Variants in PEX14 observed in about 807,000 individuals in gnomAD.
PEX14 encodes peroxisomal biogenesis factor 14.
A neutral mutation model predicts 49.5 loss-of-function variants in PEX14; 15 were observed. The ratio of observed to expected loss-of-function variants is 0.30; its 90% CI spans 0.20 to 0.47. The LOEUF (loss-of-function observed/expected upper bound fraction) is 0.47. PEX14 is among the 20% of genes least tolerant of loss of function. PEX14 has a pLI of 1.00. For synonymous variants in PEX14, 210 were observed against 212.7 expected, an observed-to-expected ratio of 0.99 and a Z score of 0.11; for missense variants, 398 against 494.8, an observed-to-expected ratio of 0.80 and a Z score of 1.86.
Position 10,623,023 on chromosome 1 carries a change from A to G in PEX14, c.389A>G (p.Tyr130Cys). The G allele has an allele frequency of 6.2e-7, 1 of 1,611,938 alleles. No individual in the cohort carries two copies. Among genetic ancestry groups the G allele is most frequent in the Non-Finnish European group, 8.5e-7 (1 of 1,178,526 alleles). Residue 130 changes from tyrosine (Y) to cysteine (C), a missense_variant, in exon 6 of 9, where the codon TAC (tyrosine) becomes TGC (cysteine). By Grantham distance (194) the Tyr-to-Cys change is radical (BLOSUM62 -2). Around this residue, in one of 3 missense-constraint regions of PEX14, gnomAD observed 202 missense variants for 298.5 expected, o/e 0.68. Coordinates refer to ENST00000356607, the MANE Select transcript of PEX14 (RefSeq NM_004565.3). The surrounding 1 kb of genome is among the most constrained non-coding windows in gnomAD (Gnocchi z 4.4). Reference protein sequence around the residue: ...AFGFHQLYKKYLLPLILGGRE... With the variant: ...AFGFHQLYKKCLLPLILGGRE... ...ACCCTGTCCCGCTTCTTGCAGAAATACCTGCTCCCCCTCATCCTGGGCGGC... is the reference window on the plus strand; with the variant it reads ...ACCCTGTCCCGCTTCTTGCAGAAATGCCTGCTCCCCCTCATCCTGGGCGGC...
At chr1:10,554,133 C>CAAAA (rs33963510) in intron 3 of PEX14, among the ~76,000 whole-genome samples, 2 of 111,082 alleles carry the variant, frequency 1.8e-5, no homozygotes, top group African/African-American at 7.0e-5. Flanking sequence ...ACTAAAAATA[C>CAAAA]AAAAAAAAAA....
chr1:10,577,546 ATATATATATATATATATTTTT>A, intron 3 of PEX14, among the ~76,000 whole-genome samples: 1 of 7,574 alleles, frequency 1.3e-4, no homozygotes, highest in African/African-American at 3.1e-4. Flanking sequence ...ATATATATAT[ATATATATATATATATATTTTT>A]TTTTTTTTTT....
chr1:10,578,293 C>T lies in PEX14; in HGVS notation c.170-20945C>T, dbSNP rs546093022. ...AGGTGGAGTCTTGTCAAGTTAGAGG[C>T]GATTCGATAAACACCTTGGACTTTG... is the stretch of plus-strand genomic sequence containing the variant. On this transcript the variant is annotated intron_variant, in intron 3 of 8. Coordinates refer to ENST00000356607, the MANE Select transcript of PEX14 (RefSeq NM_004565.3). Among the ~76,000 whole-genome samples, 13 of 152,190 alleles carry T rather than the reference C, an allele frequency of 8.5e-5. No individual in the cohort carries two copies. The South Asian group carries it at 2.7e-3, about 32-fold the overall frequency.
intron 2 of PEX14, among the ~76,000 whole-genome samples, chr1:10,527,255 C>T (rs932948872): frequency 5.4e-5 from 8 of 148,152 alleles, no homozygotes; most frequent in Non-Finnish European, 1.2e-4. Flanking sequence ...CATGGTGGCT[C>T]ACGCCTGTAA....
chr1:10,596,991 T>C (rs945286865), intron 3 of PEX14, among the ~76,000 whole-genome samples: 9 of 152,184 alleles, frequency 5.9e-5, no homozygotes, highest in East Asian at 1.9e-4. Flanking sequence ...ATTAGGAAAA[T>C]AGGCTTCATA....
chr1:10,556,088 G>A lies in PEX14; in HGVS notation c.169+19791G>A, dbSNP rs191054193. On this transcript the variant is annotated intron_variant, in intron 3 of 8. Transcript: ENST00000356607. ...AGCCCAGAGGCCTGCCACTGAAACC[G>A]CCTTCTGCAGGCACCGTCTGCCAGT... Among the ~76,000 whole-genome samples, 15 of 152,262 alleles carry A rather than the reference G, an allele frequency of 9.9e-5. No individual in the cohort carries two copies. The East Asian group carries it at 1.5e-3, about 16-fold the overall frequency.
intron 3 of PEX14, among the ~76,000 whole-genome samples, chr1:10,581,640 A>G (rs1640323544): frequency 6.6e-6 from 1 of 151,694 alleles, no homozygotes; most frequent in East Asian, 1.9e-4. Flanking sequence ...TCTCCCAGAT[A>G]AGCTTGAGGA....
intron 4 of PEX14, among the ~76,000 whole-genome samples, chr1:10,601,873 G>T (rs868374109): frequency 6.6e-6 from 1 of 152,194 alleles, no homozygotes; most frequent in East Asian, 1.9e-4. Flanking sequence ...GATAGGCAGC[G>T]GCAGCTGGGG....
intron 4 of PEX14, among the ~76,000 whole-genome samples, chr1:10,615,727 G>C (rs1641396126): frequency 6.6e-6 from 1 of 152,250 alleles, no homozygotes; most frequent in Non-Finnish European, 1.5e-5. Flanking sequence ...GTAGTAGAAA[G>C]TTGGAAATGA....
rs768427015 is a variant in PEX14 at position 10,474,957 on chromosome 1, C to T, written c.-10C>T. 2 of 1,606,734 alleles carry T rather than the reference C, an allele frequency of 1.2e-6. No homozygotes were observed. Among genetic ancestry groups the T allele is most frequent in the Non-Finnish European group, 1.7e-6 (2 of 1,176,750 alleles). On this transcript the variant is annotated 5_prime_UTR_variant, in exon 1 of 9. Transcript: ENST00000356607. ...GCCCAGCGGCGGTTGATTAGTCAGG[C>T]CTCAGAAAGATGGCGTCCTCGGAGC...
At chr1:10,522,790 G>GGTC (rs981701469) in intron 2 of PEX14, among the ~76,000 whole-genome samples, 1 of 152,154 alleles carries the variant, frequency 6.6e-6, no homozygotes, top group Non-Finnish European at 1.5e-5. Flanking sequence ...TTTTCTGGAT[G>GGTC]GTCATCAGGA....
chr1:10,627,465 G>GTGTCTGGGCCCC (rs1641783952), intron 8 of PEX14, 102 bp downstream of exon 8: 6 of 828,412 alleles, frequency 7.2e-6, no homozygotes, highest in Non-Finnish European at 1.0e-5. Context: ...CACCCCCAAG[G>GTGTCTGGGCCCC]ACCCCATCTG....
At chr1:10,604,682 T>C (rs1207258134) in intron 4 of PEX14, among the ~76,000 whole-genome samples, 1 of 152,100 alleles carries the variant, frequency 6.6e-6, no homozygotes, top group East Asian at 1.9e-4. Flanking sequence ...TCAGAGGAAA[T>C]GGCTGGAGAA....
At chr1:10,627,229 C>G in intron 7 of PEX14, 43 bp from the exon 8 acceptor site, 1 of 1,431,164 alleles carries the variant, frequency 7.0e-7, no homozygotes. Context: ...CCCGCCCGTG[C>G]CGCAAGGCGC....
Position 10,613,663 on chromosome 1 carries a change from GA to G in PEX14, c.299-4668del. ...GCCGGTCCTTAGACAGCTGGGCTCT[GA>G]GTGAGAGTGAAGATATCGCCTGTTC... is the stretch of plus-strand genomic sequence containing the variant. On this transcript the variant is annotated intron_variant, in intron 4 of 8. Transcript: ENST00000356607. This position sits in a 1 kb window ranked among gnomAD's most constrained non-coding sequence, Gnocchi z 5.0. Among the ~76,000 whole-genome samples the G allele has an allele frequency of 6.6e-6, 1 of 152,174 alleles. No homozygotes were observed. The highest frequency in any genetic ancestry group is 1.5e-5 in the Non-Finnish European group (1 of 68,036).
chr1:10,494,889 G>A lies in PEX14; in HGVS notation c.37-385G>A, dbSNP rs1641531233. On this transcript the variant is annotated intron_variant, in intron 1 of 8. Transcript: ENST00000356607. The surrounding 1 kb of genome is among the most constrained non-coding windows in gnomAD (Gnocchi z 4.3). Reference sequence around the variant, plus strand: ...TTTTCTTCCCAGTCCCCTGACGTTGGGGAGGTGGCAGAAAGAGGAGGTGTT... The same window carrying A: ...TTTTCTTCCCAGTCCCCTGACGTTGAGGAGGTGGCAGAAAGAGGAGGTGTT... Among the ~76,000 whole-genome samples the A allele has an allele frequency of 6.6e-6, 1 of 152,154 alleles. No individual in the cohort carries two copies. Among genetic ancestry groups the A allele is most frequent in the African/African-American group, 2.4e-5 (1 of 41,428 alleles).
chr1:10,550,545 A>G (rs1639304857), intron 3 of PEX14, among the ~76,000 whole-genome samples: 1 of 152,242 alleles, frequency 6.6e-6, no homozygotes, highest in Admixed American at 6.5e-5. Context: ...AGTAATACAG[A>G]TGTTTTAATT....
chr1:10,480,365 G>A (rs1322490800), intron 1 of PEX14, among the ~76,000 whole-genome samples: 2 of 145,212 alleles, frequency 1.4e-5, no homozygotes, highest in Non-Finnish European at 3.0e-5. Context: ...GACTACAGGT[G>A]TGTGCCACTA....
intron 2 of PEX14, among the ~76,000 whole-genome samples, chr1:10,515,664 A>G (rs939887279): frequency 3.3e-5 from 5 of 152,190 alleles, no homozygotes; most frequent in Admixed American, 2.0e-4. Context: ...TTTCCACTTC[A>G]TAGAACAATA....
Sources: gnomAD v4.1 joint callset for allele counts (sites outside exome capture counted in the v4.1 genomes callset) on GRCh38, gnomAD v4.1.1 for gene constraint, gnomAD v4.1.1 regional missense constraint, Gnocchi (gnomAD v3.1) non-coding constraint, MANE v1.5 for transcripts, NCBI Gene and HGNC (gene_info 2026-07-23, HGNC 2026-07-21) for gene names.